SLC25A48: variants seen among roughly 807,000 people sequenced by gnomAD.
SLC25A48 encodes the protein solute carrier family 25 member 48, also known as CTC-321K16.1.
SLC25A48 carries 29 observed loss-of-function variants against 32.2 expected under a neutral mutation model. The ratio of observed to expected loss-of-function variants is 0.90; its 90% CI spans 0.67 to 1.23. SLC25A48 has a LOEUF of 1.23. SLC25A48 is among the 50% of genes most tolerant of loss of function. The pLI is 0.00. For missense variants in SLC25A48, 399 were observed against 422.7 expected, an observed-to-expected ratio of 0.94 and a Z score of 0.49; for synonymous variants, 164 against 172.3, an observed-to-expected ratio of 0.95 and a Z score of 0.38.
intron 1 of SLC25A48, among the ~76,000 whole-genome samples, chr5:135,617,829 A>G (rs1223075009): frequency 3.9e-5 from 6 of 151,940 alleles, no homozygotes; most frequent in African/African-American, 1.5e-4. Flanking sequence ...TTTTGGTTTT[A>G]AAAAAAGTTT....
At chr5:135,816,691 G>A (rs947223842) in intron 4 of SLC25A48, among the ~76,000 whole-genome samples, 2 of 152,108 alleles carry the variant, frequency 1.3e-5, no homozygotes, top group African/African-American at 2.4e-5. Context: ...TCATGGTGAG[G>A]TAACTGGTAC....
At chr5:135,644,823 C>T (rs890356014) in intron 3 of SLC25A48, among the ~76,000 whole-genome samples, 10 of 152,190 alleles carry the variant, frequency 6.6e-5, no homozygotes, top group African/African-American at 2.4e-4. Context: ...GACAGTGAGG[C>T]TGCCACCTAG....
chr5:135,823,694 CTGAA>C (rs1243978988), intron 4 of SLC25A48, among the ~76,000 whole-genome samples: 1 of 152,166 alleles, frequency 6.6e-6, no homozygotes, highest in Non-Finnish European at 1.5e-5. Context: ...AACGGGTGCT[CTGAA>C]TGAGGGGTAT....
At chr5:135,670,508 T>A (rs1317430093) in intron 3 of SLC25A48, among the ~76,000 whole-genome samples, 1 of 152,218 alleles carries the variant, frequency 6.6e-6, no homozygotes, top group Non-Finnish European at 1.5e-5. Flanking sequence ...TGCTGCTCAC[T>A]GGCAGTATCA....
At chr5:135,672,171 G>A (rs183882986) in intron 3 of SLC25A48, among the ~76,000 whole-genome samples, 45 of 152,294 alleles carry the variant, frequency 3.0e-4, no homozygotes, top group Admixed American at 1.7e-3. Flanking sequence ...TTACAGCCTC[G>A]GAAACTTGTA....
At chr5:135,854,724 T>G (rs1054051313) in intron 4 of SLC25A48, among the ~76,000 whole-genome samples, 2 of 152,274 alleles carry the variant, frequency 1.3e-5, no homozygotes, top group Non-Finnish European at 2.9e-5. Context: ...ATTATTTGTG[T>G]GTTCATTGGA....
chr5:135,644,003 T>C (rs1752900910), intron 3 of SLC25A48, among the ~76,000 whole-genome samples: 1 of 152,232 alleles, frequency 6.6e-6, no homozygotes, highest in East Asian at 1.9e-4. Flanking sequence ...GCCAGAGGAC[T>C]GATCTCAGAG....
In SLC25A48 at chr5:135,769,957, C is replaced by T. The variant is rs79268117; in HGVS notation, c.-520-42566C>T. On this transcript the variant is annotated intron_variant, in intron 3 of 10. Coordinates refer to the SLC25A48 transcript ENST00000646290. ...AGGGGGGAGAAAGTATAGTATTACT[C>T]CCAATTTCGCAGGAGGTGTAAACCA... Among the ~76,000 whole-genome samples the T allele has an allele frequency of 5.1e-3, 769 of 150,246 alleles. 7 individuals are homozygous for T. Among genetic ancestry groups the T allele is most frequent in the African/African-American group, 0.018 (729 of 40,852 alleles).
At chr5:135,884,458 G>C (rs1762649261) in intron 7 of SLC25A48, among the ~76,000 whole-genome samples, 1 of 152,128 alleles carries the variant, frequency 6.6e-6, no homozygotes, top group Non-Finnish European at 1.5e-5. Flanking sequence ...TCCAGCAGTG[G>C]GACATTCATT....
chr5:135,742,719 A>G (rs568290660), intron 3 of SLC25A48: 1 of 389,852 alleles, frequency 2.6e-6, no homozygotes, highest in South Asian at 4.1e-5. Context: ...AATACCTCTT[A>G]GTCAACAGTA....
chr5:135,668,094 A>T (rs7707206), intron 3 of SLC25A48, among the ~76,000 whole-genome samples: 103,600 of 152,060 alleles, frequency 0.68, 35,801 homozygotes, highest in Middle Eastern at 0.78. Flanking sequence ...AAAGGGCTTC[A>T]TTCACACTCT....
intron 3 of SLC25A48, among the ~76,000 whole-genome samples, chr5:135,694,703 C>G (rs1754227216): frequency 6.6e-6 from 1 of 152,078 alleles, no homozygotes; most frequent in African/African-American, 2.4e-5. Flanking sequence ...TTCTCCTGCT[C>G]AGCCTCCTGA....
chr5:135,731,898 A>C (rs1281377677), intron 3 of SLC25A48, among the ~76,000 whole-genome samples: 1 of 152,260 alleles, frequency 6.6e-6, no homozygotes, highest in African/African-American at 2.4e-5. Flanking sequence ...CAGTGTAAAC[A>C]AGAGTAGGGC....
chr5:135,600,848 A>ATT (rs34345064), intron 1 of SLC25A48, among the ~76,000 whole-genome samples: 45 of 132,866 alleles, frequency 3.4e-4, no homozygotes, highest in African/African-American at 4.9e-4. Context: ...ATGCCCGGGT[A>ATT]TTTTTTTTTT....
intron 4 of SLC25A48, among the ~76,000 whole-genome samples, chr5:135,861,160 C>G (rs1238107041): frequency 1.3e-5 from 2 of 152,130 alleles, no homozygotes; most frequent in East Asian, 1.9e-4. Context: ...TTTTAAGAAG[C>G]TGTGATCATG....
At chr5:135,589,326 A>G (rs927724689) in intron 1 of SLC25A48, among the ~76,000 whole-genome samples, 1 of 152,036 alleles carries the variant, frequency 6.6e-6, no homozygotes, top group African/African-American at 2.4e-5. Context: ...TGGCTTCCCC[A>G]TTTCCCTCAA....
chr5:135,624,737 C>T (rs1384468908), intron 1 of SLC25A48, among the ~76,000 whole-genome samples: 1 of 152,208 alleles, frequency 6.6e-6, no homozygotes, highest in Non-Finnish European at 1.5e-5. Flanking sequence ...GCGTTTGAGT[C>T]TGTAGATACA....
At chr5:135,768,142 A>G (rs13173720) in intron 3 of SLC25A48, among the ~76,000 whole-genome samples, 1 of 142,020 alleles carries the variant, frequency 7.0e-6, no homozygotes, top group East Asian at 2.2e-4. Context: ...TCCAAATATC[A>G]CAGTGGGGTG....
At chr5:135,652,283 A>G in intron 3 of SLC25A48, 1 of 433,290 alleles carries the variant, frequency 2.3e-6, no homozygotes, top group Non-Finnish European at 4.6e-6. Context: ...ATTACAATGG[A>G]CCTTTTCTAT....
Sources: gnomAD v4.1 joint callset for allele counts (sites outside exome capture counted in the v4.1 genomes callset) on GRCh38, gnomAD v4.1.1 for gene constraint, MANE v1.5 for transcripts, NCBI Gene and HGNC (gene_info 2026-07-23, HGNC 2026-07-21) for gene names.